FGD4: variants seen among roughly 807,000 people sequenced by gnomAD.
The protein encoded by FGD4 is FYVE, RhoGEF and PH domain-containing protein 4.
In FGD4, 42 loss-of-function variants were observed where a neutral mutation model predicts 102.0. That is an observed-to-expected ratio of 0.41 (90% CI 0.32 to 0.53). The LOEUF is 0.53. Among genes scored for constraint, FGD4 ranks in the 20% least tolerant of loss-of-function variants. The probability of loss-of-function intolerance (pLI) is 0.21; values close to 1 mark genes in which losing one functional copy is unlikely to be tolerated. For missense variants in FGD4, 902 were observed against 1,078.2 expected (o/e 0.84, Z 2.29); for synonymous variants, 380 against 375.7 (o/e 1.01, Z -0.13).
chr12:32,543,590 C>T (rs1245322067), intron 1 of FGD4, among the ~76,000 whole-genome samples: 2 of 152,206 alleles, frequency 1.3e-5, no homozygotes, highest in Non-Finnish European at 2.9e-5. Context: ...CCGTTAGGAA[C>T]AAAAGATGCT....
At chr12:32,511,137 T>C (rs2136674259) in intron 1 of FGD4, 1 of 152,352 alleles carries the variant, frequency 6.6e-6, no homozygotes, top group South Asian at 2.1e-4. Context: ...AGTAACCAAA[T>C]TGCTTGCCAA....
At chr12:32,481,565 G>A (rs1290202025) in intron 1 of FGD4, among the ~76,000 whole-genome samples, 2 of 152,206 alleles carry the variant, frequency 1.3e-5, no homozygotes, top group African/African-American at 4.8e-5. Flanking sequence ...GCTCACGCCT[G>A]TAATCCCAGC....
At chr12:32,487,194 GC>G (rs1423986184) in intron 1 of FGD4, among the ~76,000 whole-genome samples, 4 of 152,114 alleles carry the variant, frequency 2.6e-5, no homozygotes, top group African/African-American at 9.7e-5. Context: ...AGACTGTCTT[GC>G]AAGGTGCCTT....
At chr12:32,550,687 A>G (rs1434789087) in intron 1 of FGD4, among the ~76,000 whole-genome samples, 16 of 149,102 alleles carry the variant, frequency 1.1e-4, no homozygotes, top group East Asian at 2.0e-4. Context: ...AAAAAAAAAA[A>G]AAAAGAAAGA....
intron 1 of FGD4, among the ~76,000 whole-genome samples, chr12:32,503,229 T>C (rs796850695): frequency 7.8e-4 from 119 of 152,354 alleles, no homozygotes; most frequent in African/African-American, 2.7e-3. Flanking sequence ...TTTTTATCAT[T>C]GAAACCATAG....
chr12:32,478,179 CT>C (rs1449037923), intron 1 of FGD4, among the ~76,000 whole-genome samples: 1 of 151,964 alleles, frequency 6.6e-6, no homozygotes, highest in African/African-American at 2.4e-5. Context: ...TGATTTAATG[CT>C]TTTGTTTCTG....
At chr12:32,438,422 A>G (rs1942305868) in intron 1 of FGD4, among the ~76,000 whole-genome samples, 1 of 152,178 alleles carries the variant, frequency 6.6e-6, no homozygotes, top group South Asian at 2.1e-4. Context: ...TCAAAATGTT[A>G]GCCTTCTCTT....
At chr12:32,587,985 G>A (rs1258382689) in intron 4 of FGD4, among the ~76,000 whole-genome samples, 1 of 152,116 alleles carries the variant, frequency 6.6e-6, no homozygotes, top group African/African-American at 2.4e-5. Context: ...ACAGGAAATG[G>A]GCCAAGAGTT....
chr12:32,464,118 T>TA (rs1329143851), intron 1 of FGD4, among the ~76,000 whole-genome samples: 12 of 152,294 alleles, frequency 7.9e-5, no homozygotes, highest in African/African-American at 2.9e-4. Context: ...AGTGAAACGT[T>TA]ATGTATGTAC....
At chr12:32,616,290 C>T (rs1014411251) in intron 10 of FGD4, among the ~76,000 whole-genome samples, 1 of 152,200 alleles carries the variant, frequency 6.6e-6, no homozygotes, top group African/African-American at 2.4e-5. Flanking sequence ...AATTAAACAG[C>T]TCTTTGGAGT....
At chr12:32,608,913 T>A (rs1169357053) in intron 8 of FGD4, among the ~76,000 whole-genome samples, 1 of 152,004 alleles carries the variant, frequency 6.6e-6, no homozygotes, top group Non-Finnish European at 1.5e-5. Flanking sequence ...ATTATTGTTG[T>A]TATTATTACT....
intron 3 of FGD4, among the ~76,000 whole-genome samples, chr12:32,578,682 T>C (rs1946331641): frequency 6.6e-6 from 1 of 151,952 alleles, no homozygotes; most frequent in Admixed American, 6.6e-5. Context: ...ATACAAAAAT[T>C]AGCCAGGTAT....
chr12:32,427,334 T>C (rs763029208), intron 1 of FGD4, among the ~76,000 whole-genome samples: 11 of 152,258 alleles, frequency 7.2e-5, no homozygotes, highest in Non-Finnish European at 4.4e-5. Context: ...CCAGTAGTCA[T>C]TCAGGAGTAG....
intron 1 of FGD4, among the ~76,000 whole-genome samples, chr12:32,466,344 C>A (rs1943251694): frequency 6.6e-6 from 1 of 151,872 alleles, no homozygotes; most frequent in Admixed American, 6.6e-5. Flanking sequence ...CTGACAAGTC[C>A]AAATCTGCAG....
chr12:32,636,858 T>G (rs144011239), intron 15 of FGD4, among the ~76,000 whole-genome samples: 2 of 151,504 alleles, frequency 1.3e-5, no homozygotes, highest in Admixed American at 6.6e-5. Flanking sequence ...TGTTCCTTTT[T>G]TCAGTATTTT....
chr12:32,509,592 A>G (rs1054454452), intron 1 of FGD4, among the ~76,000 whole-genome samples: 61 of 152,222 alleles, frequency 4.0e-4, no homozygotes, highest in African/African-American at 1.4e-3. Context: ...CTCTAAACTG[A>G]TGGAGTTTTT....
intron 15 of FGD4, among the ~76,000 whole-genome samples, chr12:32,635,524 G>T (rs149224730): frequency 6.6e-6 from 1 of 152,084 alleles, no homozygotes; most frequent in Non-Finnish European, 1.5e-5. Context: ...GACTGATTTT[G>T]TACCAACTAG....
At chr12:32,597,217 A>G (rs1471806344) in intron 4 of FGD4, among the ~76,000 whole-genome samples, 1 of 152,228 alleles carries the variant, frequency 6.6e-6, no homozygotes, top group Non-Finnish European at 1.5e-5. Context: ...AGGTAAATTC[A>G]CGCCACAAAA....
intron 3 of FGD4, among the ~76,000 whole-genome samples, chr12:32,581,494 TC>T (rs1352470381): frequency 6.6e-6 from 1 of 152,206 alleles, no homozygotes; most frequent in East Asian, 1.9e-4. Context: ...ACTCTTTGGT[TC>T]ATAATTTGTT....
Sources: allele counts gnomAD v4.1 joint callset (sites outside exome capture counted in the v4.1 genomes callset), GRCh38; gene constraint gnomAD v4.1.1; transcripts MANE v1.5; gene names NCBI Gene and HGNC (gene_info 2026-07-23, HGNC 2026-07-21).